USO1: variants seen among roughly 807,000 people sequenced by gnomAD.
USO1 encodes USO1 vesicle transport factor.
USO1 carries 57 observed loss-of-function variants against 124.5 expected under a neutral mutation model. The ratio of observed to expected loss-of-function variants is 0.46; its 90% CI spans 0.37 to 0.57. The LOEUF (loss-of-function observed/expected upper bound fraction) is 0.57. Ranked by LOEUF, USO1 falls within the 20% of genes least tolerant of loss-of-function variation. The probability of loss-of-function intolerance (pLI) is 0.00; values close to 1 mark genes in which losing one functional copy is unlikely to be tolerated. For missense variants in USO1, 900 were observed against 1,040.6 expected (o/e 0.86, Z 1.86); for synonymous variants, 369 against 362.8 (o/e 1.02, Z -0.19).
chr4:75,775,386 A>G (rs1465271763), intron 8 of USO1, among the ~76,000 whole-genome samples: 3 of 152,188 alleles, frequency 2.0e-5, no homozygotes, highest in Admixed American at 6.5e-5. Context: ...TAAAAATACA[A>G]AAATTAGCTG....
At chr4:75,804,497 C>G (rs1261858062) in intron 18 of USO1, among the ~76,000 whole-genome samples, 2 of 152,018 alleles carry the variant, frequency 1.3e-5, no homozygotes, top group Admixed American at 6.6e-5. Context: ...TTTATCTGGC[C>G]CATTGATTCT....
chr4:75,727,880 G>C (rs1346576552), intron 1 of USO1, among the ~76,000 whole-genome samples: 2 of 152,098 alleles, frequency 1.3e-5, no homozygotes, highest in African/African-American at 4.8e-5. Flanking sequence ...GCACGTTTCA[G>C]ATGCTTTTTC....
At chr4:75,745,384 C>T (rs770230244) in intron 1 of USO1, 1 of 518,328 alleles carries the variant, frequency 1.9e-6, no homozygotes, top group Non-Finnish European at 3.9e-6. Flanking sequence ...TTCACAGGGA[C>T]TGTATTACTA....
At chr4:75,775,249 C>T (rs752029015) in intron 8 of USO1, among the ~76,000 whole-genome samples, 7 of 151,974 alleles carry the variant, frequency 4.6e-5, no homozygotes, top group African/African-American at 1.7e-4. Flanking sequence ...CAAAGTGATA[C>T]GAACCCCAGC....
intron 8 of USO1, among the ~76,000 whole-genome samples, chr4:75,780,487 T>A (rs1394247091): frequency 6.6e-6 from 1 of 151,818 alleles, no homozygotes; most frequent in Admixed American, 6.6e-5. Flanking sequence ...TTGGCCAGGC[T>A]GATCTTGAAC....
At chr4:75,747,426 C>G (rs112483480) in intron 1 of USO1, among the ~76,000 whole-genome samples, 1 of 151,916 alleles carries the variant, frequency 6.6e-6, no homozygotes, top group African/African-American at 2.4e-5. Flanking sequence ...ACAAACATAC[C>G]ACCACGCCCA....
At position 75,799,206 on chromosome 4, in the gene USO1, G is replaced by A. The variant is rs116213567; in HGVS notation, c.1453-416G>A. Among the ~76,000 whole-genome samples the A allele has an allele frequency of 5.3e-3, 801 of 151,564 alleles. 11 individuals carry two copies. The highest frequency in any genetic ancestry group is 0.018 in the African/African-American group (765 of 41,364). On this transcript the variant is annotated intron_variant, in intron 13 of 23. Coordinates refer to ENST00000514213, the MANE Select transcript of USO1 (RefSeq NM_003715.4). Reference sequence around the variant, plus strand: ...TGTTTTTTGGTTTTTTTTGAAGGAAGTAGAATTTTCCTTTTATCAGGAACT... The same window carrying A: ...TGTTTTTTGGTTTTTTTTGAAGGAAATAGAATTTTCCTTTTATCAGGAACT...
At chr4:75,774,599 T>A in intron 7 of USO1, 77 bp from the exon 8 acceptor site, 1 of 1,501,970 alleles carries the variant, frequency 6.7e-7, no homozygotes, top group Non-Finnish European at 8.9e-7. Context: ...AGTTCTAAAA[T>A]TCTGTGATTT....
intron 10 of USO1, among the ~76,000 whole-genome samples, chr4:75,788,074 A>T (rs867026561): frequency 5.3e-5 from 8 of 151,864 alleles, no homozygotes; most frequent in Admixed American, 6.6e-5. Flanking sequence ...TTGTCCTGGG[A>T]ATTTTTTTTG....
At chr4:75,752,164 C>A (rs1261820004) in intron 1 of USO1, among the ~76,000 whole-genome samples, 3 of 152,098 alleles carry the variant, frequency 2.0e-5, no homozygotes, top group African/African-American at 7.2e-5. Context: ...TCTCTTTCAG[C>A]CCCTCCCACT....
At chr4:75,805,818 C>G (rs972680289) in intron 19 of USO1, among the ~76,000 whole-genome samples, 6 of 151,540 alleles carry the variant, frequency 4.0e-5, no homozygotes, top group African/African-American at 1.5e-4. Flanking sequence ...CCTCTTTAAA[C>G]TTGTTTCCTG....
chr4:75,793,035 A>G (rs1722574727), intron 12 of USO1, among the ~76,000 whole-genome samples: 1 of 152,180 alleles, frequency 6.6e-6, no homozygotes. Flanking sequence ...TTCACTTAAT[A>G]TAATGATCTC....
chr4:75,765,817 C>G (rs940933631), intron 4 of USO1, among the ~76,000 whole-genome samples: 1 of 152,124 alleles, frequency 6.6e-6, no homozygotes, highest in Non-Finnish European at 1.5e-5. Context: ...TCCCTTGAAT[C>G]CACTCTAGTT....
chr4:75,780,704 G>A (rs1386552710), intron 8 of USO1, among the ~76,000 whole-genome samples: 5 of 126,148 alleles, frequency 4.0e-5, no homozygotes, highest in East Asian at 4.9e-4. Context: ...CTGGAATGCA[G>A]TGGTACAATC....
chr4:75,809,283 A>G (rs919049020), intron 21 of USO1, among the ~76,000 whole-genome samples: 1 of 142,274 alleles, frequency 7.0e-6, no homozygotes, highest in Non-Finnish European at 1.6e-5. Context: ...CTGGTATTAC[A>G]TTCTATTTCT....
At chr4:75,776,877 C>A (rs1257181474) in intron 8 of USO1, among the ~76,000 whole-genome samples, 2 of 151,910 alleles carry the variant, frequency 1.3e-5, no homozygotes, top group Non-Finnish European at 2.9e-5. Flanking sequence ...AAAATGTGCA[C>A]CTTAAGCATT....
rs774650913 is a variant in USO1, at chr4:75,800,377, TGGA to T, written c.1592_1594del (p.Gly531del). On this transcript the variant is annotated inframe_deletion, in exon 15 of 24. Transcript: ENST00000514213. Reference sequence around the variant, plus strand: ...TTACAGGACAAATTGCAGAAAATCTTGGAGAAGAAGAGCAGTTGGTCCAAGGCT... The same window carrying T: ...TTACAGGACAAATTGCAGAAAATCTTGAAGAAGAGCAGTTGGTCCAAGGCT... The T allele has an allele frequency of 2.6e-5, 41 of 1,596,984 alleles. No individual in the cohort carries two copies. The highest frequency in any genetic ancestry group is 3.2e-5 in the Non-Finnish European group (37 of 1,171,418).
intron 9 of USO1, among the ~76,000 whole-genome samples, chr4:75,784,483 C>G (rs141385902): frequency 6.6e-6 from 1 of 152,238 alleles, no homozygotes; most frequent in East Asian, 1.9e-4. Context: ...GTTTAGGGTA[C>G]TATGTAAAGA....
intron 17 of USO1, among the ~76,000 whole-genome samples, chr4:75,803,533 C>G (rs1722912995): frequency 6.6e-6 from 1 of 151,450 alleles, no homozygotes; most frequent in East Asian, 1.9e-4. Flanking sequence ...GCCTGTAATC[C>G]CAGCTACTCA....
Sources: gnomAD v4.1 joint callset for allele counts (sites outside exome capture counted in the v4.1 genomes callset) on GRCh38, gnomAD v4.1.1 for gene constraint, MANE v1.5 for transcripts, NCBI Gene and HGNC (gene_info 2026-07-23, HGNC 2026-07-21) for gene names.